Variants in MBD5 observed in about 807,000 individuals in gnomAD.
The protein encoded by MBD5 is methyl-CpG-binding domain protein 5.
A neutral mutation model predicts 117.3 loss-of-function variants in MBD5; 13 were observed. That is an observed-to-expected ratio of 0.11 (90% CI 0.07 to 0.18). MBD5 has a LOEUF of 0.18. MBD5 is among the 10% of genes least tolerant of loss of function. The pLI, the probability that MBD5 is intolerant of heterozygous loss-of-function variation, is 1.00. For missense variants in MBD5, 1,879 were observed against 2,093.8 expected, an observed-to-expected ratio of 0.90 and a Z score of 2.00; for synonymous variants, 727 against 766.4, an observed-to-expected ratio of 0.95 and a Z score of 0.85.
Position 148,483,480 on chromosome 2 carries a change from G to T in MBD5, c.2889G>T (p.Pro963=), listed in dbSNP as rs528768120. 1.2e-6 allele frequency: 2 copies of T among 1,613,736 alleles called. No homozygotes were observed. Among genetic ancestry groups the T allele is most frequent in the Non-Finnish European group, 1.7e-6 (2 of 1,179,904 alleles). Residue 963 remains proline, a synonymous_variant, in exon 9 of 14, where the codon CCG becomes CCT. Coordinates refer to ENST00000642680, the MANE Select transcript of MBD5 (RefSeq NM_001378120.1). ...INLHPLGFLN[P]NVNAALAFLS... ...TCCACCCTTTAGGTTTTCTCAACCCGAATGTAAACGCTGCTTTAGCTTTTC... is the reference window on the plus strand; with the variant it reads ...TCCACCCTTTAGGTTTTCTCAACCCTAATGTAAACGCTGCTTTAGCTTTTC...
At chr2:148,407,948 A>G (rs774351615) in intron 4 of MBD5, among the ~76,000 whole-genome samples, 2 of 152,204 alleles carry the variant, frequency 1.3e-5, no homozygotes, top group Non-Finnish European at 2.9e-5. Flanking sequence ...CTGCTTAGCC[A>G]TGAGCTAGAA....
intron 1 of MBD5, among the ~76,000 whole-genome samples, chr2:148,134,041 A>AT (rs1230986144): frequency 2.0e-5 from 3 of 152,186 alleles, no homozygotes; most frequent in African/African-American, 7.2e-5. Flanking sequence ...TTTCATAGAC[A>AT]TTCCTAAAAG....
chr2:148,227,137 T>G (rs1340419211), intron 2 of MBD5, among the ~76,000 whole-genome samples: 2 of 152,234 alleles, frequency 1.3e-5, no homozygotes, highest in Admixed American at 1.3e-4. Context: ...ATTTGTCAAT[T>G]TTGGCTTTTG....
Position 148,079,812 on chromosome 2 carries a change from G to A in MBD5, c.-925+58128G>A, listed in dbSNP as rs945465265. Among the ~76,000 whole-genome samples, 8 of 151,866 alleles carry A rather than the reference G, an allele frequency of 5.3e-5. No homozygotes were observed. The East Asian group carries it at 1.2e-3, about 22-fold the overall frequency. Reference sequence around the variant, plus strand: ...GCGGAGGTTGCAGTGAGCTGAGATCGCACCATTGCACTCCAGCCTAGGCGA... The same window carrying A: ...GCGGAGGTTGCAGTGAGCTGAGATCACACCATTGCACTCCAGCCTAGGCGA... On this transcript the variant is annotated intron_variant, in intron 1 of 13. Coordinates refer to ENST00000642680, the MANE Select transcript of MBD5 (RefSeq NM_001378120.1).
intron 1 of MBD5, among the ~76,000 whole-genome samples, chr2:148,052,856 T>A (rs1422264897): frequency 6.6e-6 from 1 of 151,444 alleles, no homozygotes; most frequent in African/African-American, 2.4e-5. Flanking sequence ...GTATTTACTT[T>A]AGAAGAATGT....
chr2:148,152,294 G>C (rs541883216), intron 1 of MBD5, among the ~76,000 whole-genome samples: 1 of 152,024 alleles, frequency 6.6e-6, no homozygotes, highest in African/African-American at 2.4e-5. Flanking sequence ...ATTGCACTGT[G>C]GTCTGAGAGA....
chr2:148,434,658 A>G (rs1273458600), intron 4 of MBD5, among the ~76,000 whole-genome samples: 1 of 151,922 alleles, frequency 6.6e-6, no homozygotes, highest in Non-Finnish European at 1.5e-5. Context: ...TTTGCGAAGG[A>G]TTGTTTTATG....
intron 3 of MBD5, among the ~76,000 whole-genome samples, chr2:148,270,930 C>T (rs1302096263): frequency 6.6e-6 from 1 of 152,040 alleles, no homozygotes; most frequent in African/African-American, 2.4e-5. Context: ...GCCCTTTATT[C>T]CTTTTCCTTA....
chr2:148,240,502 A>G lies in MBD5; in HGVS notation c.-680+7107A>G, dbSNP rs141216972. Among the ~76,000 whole-genome samples, 566 of 152,122 alleles carry G rather than the reference A, an allele frequency of 3.7e-3. 3 individuals carry two copies. The highest frequency in any genetic ancestry group is 0.013 in the African/African-American group (526 of 41,520). On this transcript the variant is annotated intron_variant, in intron 3 of 13. Coordinates refer to ENST00000642680, the MANE Select transcript of MBD5 (RefSeq NM_001378120.1). ...TGGGTTCAAGCAATCCTCCTGTTTC[A>G]GCCACCCAAAGTGCTGGGATTATAG...
intron 3 of MBD5, among the ~76,000 whole-genome samples, chr2:148,280,269 C>T (rs1701218913): frequency 6.6e-6 from 1 of 151,958 alleles, no homozygotes; most frequent in Admixed American, 6.6e-5. Context: ...AATCCATGCA[C>T]ATTTTATCTG....
At chr2:148,386,623 G>T (rs1304725349) in intron 4 of MBD5, among the ~76,000 whole-genome samples, 1 of 149,296 alleles carries the variant, frequency 6.7e-6, no homozygotes, top group Admixed American at 6.7e-5. Flanking sequence ...GGAGGCTGAG[G>T]CAGGAGAATG....
intron 4 of MBD5, among the ~76,000 whole-genome samples, chr2:148,423,397 G>A (rs1705672645): frequency 6.6e-6 from 1 of 151,690 alleles, no homozygotes; most frequent in Non-Finnish European, 1.5e-5. Flanking sequence ...TATTATCCCA[G>A]AAAACAAAAC....
chr2:148,328,125 TG>T (rs1251810171), intron 3 of MBD5, among the ~76,000 whole-genome samples: 1 of 152,164 alleles, frequency 6.6e-6, no homozygotes, highest in Admixed American at 6.5e-5. Flanking sequence ...CTGCCCCTGC[TG>T]GGGGGTGCCT....
intron 1 of MBD5, among the ~76,000 whole-genome samples, chr2:148,075,608 AT>A (rs760675018): frequency 6.6e-6 from 1 of 151,542 alleles, no homozygotes; most frequent in Non-Finnish European, 1.5e-5. Flanking sequence ...GATTTTTCTG[AT>A]TGTATTATAA....
At chr2:148,312,320 C>G (rs7590235) in intron 3 of MBD5, among the ~76,000 whole-genome samples, 26,567 of 152,098 alleles carry the variant, frequency 0.17, 2,474 homozygotes, top group Non-Finnish European at 0.18. Flanking sequence ...TCACATAGTC[C>G]CATATTTCTT....
intron 1 of MBD5, among the ~76,000 whole-genome samples, chr2:148,089,896 T>TA (rs1303378484): frequency 6.6e-6 from 1 of 151,576 alleles, no homozygotes; most frequent in Admixed American, 6.6e-5. Flanking sequence ...GAAAATGAAA[T>TA]AAAAAGCCAG....
intron 3 of MBD5, among the ~76,000 whole-genome samples, chr2:148,304,581 C>A (rs2106494112): frequency 6.6e-6 from 1 of 152,202 alleles, no homozygotes. Flanking sequence ...TTTGATAAGA[C>A]AATATGTTCA....
At chr2:148,486,913 G>C (rs957210836) in intron 10 of MBD5, among the ~76,000 whole-genome samples, 13 of 152,168 alleles carry the variant, frequency 8.5e-5, no homozygotes, top group Non-Finnish European at 1.6e-4. Context: ...AATATCTTTT[G>C]ACCAGAAGCT....
At position 148,174,610 on chromosome 2, in the gene MBD5, T is replaced by A. The variant is rs79597844; in HGVS notation, c.-924-4090T>A. On this transcript the variant is annotated intron_variant, in intron 1 of 13. Transcript: ENST00000642680. ...GAAACACCTGAATAGCAAGAAAATT[T>A]TAAAAAAAAACATTAAAAATTGGAA... Among the ~76,000 whole-genome samples the A allele has an allele frequency of 3.1e-3, 470 of 149,814 alleles. 1 individual carries two copies. Among genetic ancestry groups the A allele is most frequent in the African/African-American group, 0.01 (421 of 40,908 alleles).
Sources: allele counts gnomAD v4.1 joint callset (sites outside exome capture counted in the v4.1 genomes callset), GRCh38; gene constraint gnomAD v4.1.1; transcripts MANE v1.5; gene names NCBI Gene and HGNC (gene_info 2026-07-23, HGNC 2026-07-21).